DBF4B: variants seen among roughly 807,000 people sequenced by gnomAD.
DBF4B encodes the protein DBF4B-CDC7 kinase regulatory subunit, also known as protein DBF4 homolog B.
A neutral mutation model predicts 53.4 loss-of-function variants in DBF4B; 49 were observed. The observed-to-expected ratio is 0.92, with a 90% CI of 0.73 to 1.16. DBF4B has a LOEUF of 1.16. DBF4B is among the 50% of genes most tolerant of loss of function. The probability of loss-of-function intolerance (pLI) is 0.00; values close to 1 mark genes in which losing one functional copy is unlikely to be tolerated. For missense variants in DBF4B, 692 were observed against 775.0 expected, an observed-to-expected ratio of 0.89 and a Z score of 1.27; for synonymous variants, 257 against 288.7, an observed-to-expected ratio of 0.89 and a Z score of 1.11.
Position 44,748,343 on chromosome 17 carries a change from G to A in DBF4B, c.1067G>A (p.Trp356Ter), listed in dbSNP as rs747794824. The part of the protein sequence containing the change: ...DIPFQAGLPR[W>*]SGSPASDCDP... ...TCACAGTGTTTCTGTCCCAACAGGT[G>A]GTCAGGTTCCCCAGCTTCTGATTGT... The change falls in exon 13 of 14, where the codon TGG (tryptophan) becomes TAG (stop). Residue 356 changes from tryptophan to a stop codon, truncating the protein, a stop_gained and splice_region_variant. Coordinates refer to ENST00000315005, the MANE Select transcript of DBF4B (RefSeq NM_145663.3). LOFTEE classifies it high-confidence loss of function. The A allele has an allele frequency of 1.3e-6, 2 of 1,594,544 alleles. No individual in the cohort carries two copies. Among genetic ancestry groups the A allele is most frequent in the East Asian group, 2.2e-5 (1 of 44,754 alleles).
intron 2 of DBF4B, among the ~76,000 whole-genome samples, chr17:44,710,976 ATTTTTT>A (rs10522434): frequency 5.1e-5 from 5 of 98,288 alleles, no homozygotes; most frequent in East Asian, 2.6e-4. Flanking sequence ...TTCCAGTTTG[ATTTTTT>A]TTTTTTTTTT....
intron 3 of DBF4B, among the ~76,000 whole-genome samples, chr17:44,724,622 T>G (rs1209211125): frequency 6.6e-6 from 1 of 152,032 alleles, no homozygotes; most frequent in Admixed American, 6.5e-5. Context: ...CTCGTGATCC[T>G]CCCGCCTTGG....
At chr17:44,726,323 T>TATTTATTTAATTA (rs1555676220) in intron 3 of DBF4B, among the ~76,000 whole-genome samples, 2 of 149,682 alleles carry the variant, frequency 1.3e-5, no homozygotes, top group African/African-American at 4.9e-5. Flanking sequence ...TTTATTTATT[T>TATTTATTTAATTA]ATTTATTTAT....
At position 44,724,973 on chromosome 17, in the gene DBF4B, G is replaced by A. The variant is rs559769812; in HGVS notation, c.225+1951G>A. Among the ~76,000 whole-genome samples the A allele has an allele frequency of 3.2e-4, 48 of 152,150 alleles. 1 individual carries two copies. The highest frequency in any genetic ancestry group is 2.2e-3 in the Admixed American group (33 of 15,266). ...CTCTACTAAAAATACAAAATTAGCC[G>A]GGTGTGGCGGCACATGCCTGTAATC... On this transcript the variant is annotated intron_variant, in intron 3 of 13. Transcript: ENST00000315005.
At chr17:44,710,925 G>A (rs149898459) in intron 2 of DBF4B, among the ~76,000 whole-genome samples, 209 of 148,706 alleles carry the variant, frequency 1.4e-3, no homozygotes, top group African/African-American at 5.0e-3. Context: ...ACTATAAGAT[G>A]ATAATGTGTG....
rs557168629 is a variant in DBF4B at position 44,713,609 on chromosome 17, G to A, written c.82+4243G>A. ...AGGTGTAGTGAGCCGAGATCATGCC[G>A]CTGCACTCCAGCTTGGGCGACAGAG... On this transcript the variant is annotated intron_variant, in intron 2 of 13. Coordinates refer to ENST00000315005, the MANE Select transcript of DBF4B (RefSeq NM_145663.3). Among the ~76,000 whole-genome samples, 4 of 152,106 alleles carry A rather than the reference G, an allele frequency of 2.6e-5. 1 individual carries two copies. The highest frequency in any genetic ancestry group is 4.1e-4 in the South Asian group (2 of 4,822).
At chr17:44,748,173 T>C (rs1298466607) in intron 12 of DBF4B, among the ~76,000 whole-genome samples, 168 bp from the exon 13 acceptor site, 2 of 152,190 alleles carry the variant, frequency 1.3e-5, no homozygotes, top group Non-Finnish European at 2.9e-5. Context: ...TGCTGGTTGC[T>C]GCGGCAGGTT....
chr17:44,744,173 A>G (rs1261213075), intron 10 of DBF4B, among the ~76,000 whole-genome samples: 1 of 145,072 alleles, frequency 6.9e-6, no homozygotes, highest in Non-Finnish European at 1.5e-5. Flanking sequence ...GCACTTTGGA[A>G]GACTGAGGCA....
Position 44,751,085 on chromosome 17 carries a change from A to G in DBF4B, c.1680A>G (p.Ser560=), listed in dbSNP as rs769757945. ...TGTGGTGCCGGGTTCGGGTGCCCTCATTGTCAACTGCAGGACCCATTCCCC... is the reference window on the plus strand; with the variant it reads ...TGTGGTGCCGGGTTCGGGTGCCCTCGTTGTCAACTGCAGGACCCATTCCCC... ...QSLWCRVRVP[S]LSTAGPIPRT... The change falls in exon 14 of 14, where the codon TCA becomes TCG. Residue 560 remains serine (S), a synonymous_variant. Transcript: ENST00000315005. The G allele has an allele frequency of 3.1e-6, 5 of 1,613,836 alleles. No homozygotes were observed. The East Asian group carries it at 1.1e-4, about 36-fold the overall frequency.
intron 13 of DBF4B, chr17:44,748,992 GC>G (rs1355230771): frequency 2.3e-6 from 3 of 1,289,668 alleles, no homozygotes; most frequent in Non-Finnish European, 3.0e-6. Context: ...GGAAAGGGTG[GC>G]CCCCAGGGCC....
Position 44,708,727 on chromosome 17 carries a change from G to C in DBF4B, c.-94G>C, listed in dbSNP as rs1351702889. 4.1e-6 allele frequency: 6 copies of C among 1,461,730 alleles called. No homozygotes were observed. The highest frequency in any genetic ancestry group is 5.6e-6 in the Non-Finnish European group (6 of 1,078,936). 90.5% of individuals were successfully genotyped at this position (1,461,730 alleles called of 1,614,324 possible). On this transcript the variant is annotated 5_prime_UTR_variant, in exon 1 of 14. Coordinates refer to ENST00000315005, the MANE Select transcript of DBF4B (RefSeq NM_145663.3). ...GCTGTAGCTGCCCTGAGATAACCAGGACTGTGGAATCGGGAAGAGCTCATG... is the reference window on the plus strand; with the variant it reads ...GCTGTAGCTGCCCTGAGATAACCAGCACTGTGGAATCGGGAAGAGCTCATG...
In DBF4B at chr17:44,749,639, A is replaced by G. The variant is rs999942207; in HGVS notation, c.1190-956A>G. ...ATGTTCCTGACCAGGCAGAGTCTACAGTGGGCTTGCCCAGCTGAGGCTGGC... is the reference window on the plus strand; with the variant it reads ...ATGTTCCTGACCAGGCAGAGTCTACGGTGGGCTTGCCCAGCTGAGGCTGGC... On this transcript the variant is annotated intron_variant, in intron 13 of 13. Transcript: ENST00000315005. This position sits in a 1 kb window ranked among gnomAD's most constrained non-coding sequence, Gnocchi z 4.4. 5 of 1,180,014 alleles carry G rather than the reference A, an allele frequency of 4.2e-6. No individual in the cohort carries two copies. The African/African-American group carries it at 8.0e-5, about 19-fold the overall frequency. The allele number at this position is 1,180,014 out of a possible 1,614,324, so 73.1% of individuals were successfully genotyped here.
intron 5 of DBF4B, 101 bp downstream of exon 5, chr17:44,731,116 A>G: frequency 7.7e-7 from 1 of 1,295,482 alleles, no homozygotes; most frequent in Non-Finnish European, 1.1e-6. Flanking sequence ...CAAAATGCAC[A>G]CTCTGCGATA....
chr17:44,746,246 A>G (rs1251473771), intron 10 of DBF4B, among the ~76,000 whole-genome samples: 2 of 151,286 alleles, frequency 1.3e-5, no homozygotes, highest in Non-Finnish European at 2.9e-5. Flanking sequence ...AAAAAAAAAA[A>G]AAAAGAAGTC....
chr17:44,744,410 C>CAAA (rs58723234), intron 10 of DBF4B, among the ~76,000 whole-genome samples: 1 of 123,188 alleles, frequency 8.1e-6, no homozygotes, highest in Non-Finnish European at 1.7e-5. Context: ...GACCCTGTCT[C>CAAA]AAAAAAAAAA....
chr17:44,730,898 T>A, intron 4 of DBF4B, 67 bp from the exon 5 acceptor site: 1 of 1,557,614 alleles, frequency 6.4e-7, no homozygotes, highest in Non-Finnish European at 8.8e-7. Flanking sequence ...CACCAGCTCC[T>A]GTGTAAACAT....
intron 2 of DBF4B, among the ~76,000 whole-genome samples, chr17:44,719,494 T>C (rs2144811944): frequency 6.6e-6 from 1 of 152,338 alleles, no homozygotes; most frequent in South Asian, 2.1e-4. Flanking sequence ...TTTCTGTTTC[T>C]ATAAATTTGC....
chr17:44,741,275 G>A, intron 9 of DBF4B, 61 bp from the exon 10 acceptor site: 1 of 1,235,332 alleles, frequency 8.1e-7, no homozygotes, highest in Non-Finnish European at 1.2e-6. Context: ...ATTGGGCGAG[G>A]CCCCCTCCTC....
chr17:44,714,774 C>T (rs1973185704), intron 2 of DBF4B, among the ~76,000 whole-genome samples: 1 of 151,404 alleles, frequency 6.6e-6, no homozygotes, highest in Admixed American at 6.6e-5. Flanking sequence ...GTCTTGAAGT[C>T]CTGAGCTCAA....
Sources: gnomAD v4.1 joint callset for allele counts (sites outside exome capture counted in the v4.1 genomes callset) on GRCh38, gnomAD v4.1.1 for gene constraint, Gnocchi (gnomAD v3.1) non-coding constraint, MANE v1.5 for transcripts, NCBI Gene and HGNC (gene_info 2026-07-23, HGNC 2026-07-21) for gene names.